JAM3: variants seen among roughly 807,000 people sequenced by gnomAD.
The protein encoded by JAM3 is junctional adhesion molecule C.
JAM3 carries 31 observed loss-of-function variants against 39.4 expected under a neutral mutation model. That is an observed-to-expected ratio of 0.79 (90% CI 0.59 to 1.06). The LOEUF is 1.06. JAM3 is among the 50% of genes least tolerant of loss of function. JAM3 has a pLI of 0.00. For synonymous variants in JAM3, 182 were observed against 148.7 expected (o/e 1.22, Z -1.63); for missense variants, 455 against 391.4 (o/e 1.16, Z -1.37).
At chr11:134,075,681 C>T (rs530488465) in intron 1 of JAM3, among the ~76,000 whole-genome samples, 58 of 152,280 alleles carry the variant, frequency 3.8e-4, no homozygotes, top group Middle Eastern at 6.8e-3. Flanking sequence ...ACTGCCTTAG[C>T]CTCCCAAAGT....
In JAM3 at chr11:134,151,565, G is replaced by T. The variant is rs1479303945; in HGVS notation, c.*2384G>T. 2.0e-5 allele frequency: 3 copies of T among 152,226 alleles called. No homozygotes were observed. The East Asian group carries it at 5.8e-4, about 29-fold the overall frequency. 9.4% of individuals were successfully genotyped at this position (152,226 alleles called of 1,614,324 possible). ...GTCTGGGAAGTAGCTGCCTATAACTGAGACTAGACGGAAAAGGAATACTCG... is the reference window on the plus strand; with the variant it reads ...GTCTGGGAAGTAGCTGCCTATAACTTAGACTAGACGGAAAAGGAATACTCG... On this transcript the variant is annotated 3_prime_UTR_variant, in exon 9 of 9. Coordinates refer to ENST00000299106, the MANE Select transcript of JAM3 (RefSeq NM_032801.5).
At chr11:134,125,453 C>A (rs990193106) in intron 1 of JAM3, among the ~76,000 whole-genome samples, 2 of 152,104 alleles carry the variant, frequency 1.3e-5, no homozygotes, top group South Asian at 4.1e-4. Flanking sequence ...TTGTTGCTTT[C>A]TTTTTTAGTT....
chr11:134,132,123 C>A (rs1476916875), intron 1 of JAM3, among the ~76,000 whole-genome samples: 4 of 152,184 alleles, frequency 2.6e-5, no homozygotes, highest in African/African-American at 9.7e-5. Flanking sequence ...ACCAAAGAGA[C>A]TCACACTGAG....
chr11:134,144,842 A>G lies in JAM3; in HGVS notation c.460A>G (p.Lys154Glu). 6.2e-7 allele frequency: 1 copy of G among 1,614,218 alleles called. No individual in the cohort carries two copies. The highest frequency in any genetic ancestry group is 8.5e-7 in the Non-Finnish European group (1 of 1,180,034). Reference sequence around the variant, plus strand: ...AGTGCCGAAGGCTGTACCAGTAGGCAAGATGGCAACACTGCACTGCCAGGA... The same window carrying G: ...AGTGCCGAAGGCTGTACCAGTAGGCGAGATGGCAACACTGCACTGCCAGGA... ...CRVPKAVPVGKMATLHCQESE... is the reference protein window; with the variant it reads ...CRVPKAVPVGEMATLHCQESE... The change falls in exon 5 of 9, where the codon AAG becomes GAG. Residue 154 changes from lysine (K) to glutamate (E), a missense_variant. By Grantham distance (56) the Lys-to-Glu change is moderately conservative. Transcript: ENST00000299106.
intron 1 of JAM3, among the ~76,000 whole-genome samples, chr11:134,128,211 G>T (rs1316295992): frequency 6.6e-6 from 1 of 151,882 alleles, no homozygotes; most frequent in Admixed American, 6.6e-5. Context: ...ATGTAGCTGG[G>T]GATGCCATTC....
Position 134,144,681 on chromosome 11 carries a change from G to A in JAM3, c.410-111G>A, listed in dbSNP as rs12803146. The stretch of plus-strand genomic sequence containing the variant: ...TTGTGATCCTGGGAACAGCAGTGGC[G>A]TGGGAACCCCTCGACTGGCTGTCTT... On this transcript the variant is annotated intron_variant, in intron 4 of 8. Transcript: ENST00000299106. 0.038 allele frequency: 38,100 copies of A among 1,013,650 alleles called. 909 individuals carry two copies. Among genetic ancestry groups the A allele is most frequent in the Non-Finnish European group, 0.049 (31,306 of 643,884 alleles). The allele number at this position is 1,013,650 out of a possible 1,614,324, so 62.8% of individuals were successfully genotyped here. A position where few individuals can be genotyped will look rare whatever the true frequency, so the allele number is the denominator to read the frequency against.
chr11:134,141,816 CAGG>C (rs1169512812), intron 3 of JAM3, among the ~76,000 whole-genome samples: 6 of 152,018 alleles, frequency 3.9e-5, no homozygotes, highest in South Asian at 2.1e-4. Context: ...CTTTTTCTGA[CAGG>C]AGGGCGGGAG....
At chr11:134,121,821 GCACACACA>G (rs1555117431) in intron 1 of JAM3, among the ~76,000 whole-genome samples, 32 of 148,420 alleles carry the variant, frequency 2.2e-4, no homozygotes, top group African/African-American at 7.2e-4. Context: ...GCATGTGTGC[GCACACACA>G]CACACACACA....
intron 1 of JAM3, among the ~76,000 whole-genome samples, chr11:134,115,771 C>T (rs950755096): frequency 6.6e-6 from 1 of 152,060 alleles, no homozygotes; most frequent in African/African-American, 2.4e-5. Context: ...GTGGCACACA[C>T]CTGTAGTCCC....
intron 1 of JAM3, among the ~76,000 whole-genome samples, chr11:134,111,872 G>A (rs926136719): frequency 9.9e-5 from 15 of 152,092 alleles, no homozygotes; most frequent in Admixed American, 4.6e-4. Flanking sequence ...CACATCAAAT[G>A]TCCCTCAGTT....
intron 1 of JAM3, among the ~76,000 whole-genome samples, chr11:134,130,965 A>G (rs1340232984): frequency 6.6e-6 from 1 of 152,144 alleles, no homozygotes; most frequent in Non-Finnish European, 1.5e-5. Context: ...CTGGCTGGAC[A>G]TGTACAATAG....
intron 1 of JAM3, among the ~76,000 whole-genome samples, chr11:134,093,268 T>C (rs1301028947): frequency 7.3e-6 from 1 of 136,840 alleles, no homozygotes; most frequent in Middle Eastern, 3.3e-3. Context: ...AAGCTTCTCC[T>C]GAAACCTCCT....
At chr11:134,120,167 C>T (rs567560609) in intron 1 of JAM3, among the ~76,000 whole-genome samples, 3 of 152,244 alleles carry the variant, frequency 2.0e-5, no homozygotes, top group African/African-American at 7.2e-5. Flanking sequence ...AGCAGCTGTA[C>T]AGCAGCGGTC....
Position 134,148,747 on chromosome 11 carries a change from C to T in JAM3, c.843-17C>T, listed in dbSNP as rs139455299. The T allele has an allele frequency of 6.2e-7, 1 of 1,614,078 alleles. No individual in the cohort carries two copies. Among genetic ancestry groups the T allele is most frequent in the African/African-American group, 1.3e-5 (1 of 75,032 alleles). Reference sequence around the variant, plus strand: ...ATATAACAACCCTGTTGCTAAACTGCTCTCTTCTCCTCATAGTTACAAGAA... The same window carrying T: ...ATATAACAACCCTGTTGCTAAACTGTTCTCTTCTCCTCATAGTTACAAGAA... On this transcript the variant is annotated splice_polypyrimidine_tract_variant and intron_variant, in intron 7 of 8. Transcript: ENST00000299106.
At chr11:134,088,358 C>T (rs1160163076) in intron 1 of JAM3, among the ~76,000 whole-genome samples, 1 of 152,094 alleles carries the variant, frequency 6.6e-6, no homozygotes, top group Non-Finnish European at 1.5e-5. Flanking sequence ...CATTGCTTTC[C>T]TTATCCTTAA....
At chr11:134,091,992 A>C (rs1382033594) in intron 1 of JAM3, among the ~76,000 whole-genome samples, 1 of 152,156 alleles carries the variant, frequency 6.6e-6, no homozygotes, top group East Asian at 1.9e-4. Flanking sequence ...ATTTCTGTAC[A>C]TTTTAAAAAA....
chr11:134,106,036 G>A (rs913323399), intron 1 of JAM3, among the ~76,000 whole-genome samples: 12 of 152,164 alleles, frequency 7.9e-5, no homozygotes, highest in Admixed American at 7.9e-4. Context: ...AGCCCACATT[G>A]CCAAGTCAAT....
intron 1 of JAM3, among the ~76,000 whole-genome samples, chr11:134,134,689 A>G (rs1472412887): frequency 6.6e-6 from 1 of 152,174 alleles, no homozygotes. Context: ...CCCCCTTTAA[A>G]AGAAATCATA....
intron 1 of JAM3, among the ~76,000 whole-genome samples, chr11:134,111,058 A>T (rs1215419017): frequency 6.6e-6 from 1 of 150,622 alleles, no homozygotes; most frequent in Non-Finnish European, 1.5e-5. Context: ...TGAATCCTTG[A>T]ATTAATTCTT....
Sources: gnomAD v4.1 joint callset for allele counts (sites outside exome capture counted in the v4.1 genomes callset) on GRCh38, gnomAD v4.1.1 for gene constraint, MANE v1.5 for transcripts, NCBI Gene and HGNC (gene_info 2026-07-23, HGNC 2026-07-21) for gene names.